PRKG1: variants seen among roughly 807,000 people sequenced by gnomAD.
The protein encoded by PRKG1 is protein kinase cGMP-dependent 1.
A neutral mutation model predicts 88.1 loss-of-function variants in PRKG1; 35 were observed. The ratio of observed to expected loss-of-function variants is 0.40; its 90% CI spans 0.30 to 0.53. The LOEUF (loss-of-function observed/expected upper bound fraction) is 0.53, where lower values mean the gene tolerates loss of function less well. Ranked by LOEUF, PRKG1 falls within the 20% of genes least tolerant of loss-of-function variation. The probability of loss-of-function intolerance (pLI) is 0.59; values close to 1 mark genes in which losing one functional copy is unlikely to be tolerated. For synonymous variants in PRKG1, 303 were observed against 292.5 expected (o/e 1.04, Z -0.37); for missense variants, 540 against 839.8 (o/e 0.64, Z 4.41).
intron 3 of PRKG1, among the ~76,000 whole-genome samples, chr10:51,599,180 G>A (rs1838533726): frequency 6.6e-6 from 1 of 152,144 alleles, no homozygotes; most frequent in African/African-American, 2.4e-5. Flanking sequence ...GGATGATTTG[G>A]ATTTGGTTAC....
At chr10:51,997,057 C>T (rs890597886) in intron 5 of PRKG1, among the ~76,000 whole-genome samples, 8 of 146,064 alleles carry the variant, frequency 5.5e-5, no homozygotes, top group Non-Finnish European at 1.0e-4. Flanking sequence ...GATGTGGAAC[C>T]TAAAAGAGTT....
At chr10:51,039,386 G>A (rs913978697) in intron 1 of PRKG1, among the ~76,000 whole-genome samples, 31 of 152,232 alleles carry the variant, frequency 2.0e-4, no homozygotes, top group Admixed American at 5.2e-4. Context: ...GTCTTCTTTT[G>A]GGAAATGTCT....
At chr10:51,804,871 G>A (rs961872937) in intron 4 of PRKG1, among the ~76,000 whole-genome samples, 181 bp downstream of exon 4, 1 of 152,106 alleles carries the variant, frequency 6.6e-6, no homozygotes, top group South Asian at 2.1e-4. Flanking sequence ...TAAATCTGTA[G>A]AGATGTAAGA....
At position 51,804,595 on chromosome 10, in the gene PRKG1, T is replaced by C. The variant is rs1839256991; in HGVS notation, c.603T>C (p.Asn201=). 6.3e-7 allele frequency: 1 copy of C among 1,588,804 alleles called. No individual in the cohort carries two copies. The highest frequency in any genetic ancestry group is 1.3e-5 in the African/African-American group (1 of 74,256). Residue 201 remains asparagine (N), a synonymous_variant, in exon 4 of 18, where the codon AAT becomes AAC. Transcript: ENST00000373980. The part of the protein sequence containing the change: ...TRTATVKTLV[N]VKLWAIDRQC... ...TTTATTTTTCTCCAGCTCTTGTAAA[T>C]GTAAAACTCTGGGCCATTGATCGAC...
intron 3 of PRKG1, among the ~76,000 whole-genome samples, chr10:51,789,845 G>A (rs568278545): frequency 2.4e-4 from 36 of 151,044 alleles, no homozygotes; most frequent in South Asian, 4.2e-4. Context: ...TTTTTTAGAT[G>A]GAGTCTTGCT....
intron 3 of PRKG1, among the ~76,000 whole-genome samples, chr10:51,668,264 C>T (rs906894683): frequency 6.6e-6 from 1 of 152,128 alleles, no homozygotes; most frequent in Non-Finnish European, 1.5e-5. Flanking sequence ...TTGAAAACCA[C>T]GTATAGTGAT....
intron 1 of PRKG1, among the ~76,000 whole-genome samples, chr10:51,120,526 CAAAGCTGAA>C (rs1297387456): frequency 1.3e-5 from 2 of 152,036 alleles, no homozygotes; most frequent in Non-Finnish European, 2.9e-5. Context: ...TGTTTTTGAA[CAAAGCTGAA>C]AAGTTCAGCT....
chr10:51,648,120 T>A (rs1233756121), intron 3 of PRKG1, among the ~76,000 whole-genome samples: 1 of 152,168 alleles, frequency 6.6e-6, no homozygotes, highest in Non-Finnish European at 1.5e-5. Flanking sequence ...TAATCTTTCA[T>A]GTCTATCATT....
chr10:51,067,150 A>C (rs992123294), intron 1 of PRKG1, among the ~76,000 whole-genome samples: 20 of 151,796 alleles, frequency 1.3e-4, no homozygotes, highest in African/African-American at 4.8e-4. Flanking sequence ...CATTCACATC[A>C]TAGCTAACAC....
intron 3 of PRKG1, among the ~76,000 whole-genome samples, chr10:51,480,551 C>A (rs1840323266): frequency 6.7e-6 from 1 of 148,478 alleles, no homozygotes; most frequent in Admixed American, 6.8e-5. Flanking sequence ...AGATCACTTC[C>A]TTGGCACCTA....
intron 5 of PRKG1, among the ~76,000 whole-genome samples, chr10:51,933,453 A>G (rs1360560822): frequency 6.6e-6 from 1 of 152,020 alleles, no homozygotes; most frequent in Non-Finnish European, 1.5e-5. Context: ...TAATTTCATG[A>G]TTTTGCTTGG....
intron 7 of PRKG1, among the ~76,000 whole-genome samples, chr10:52,108,770 T>C (rs1157008668): frequency 6.6e-6 from 1 of 152,084 alleles, no homozygotes; most frequent in African/African-American, 2.4e-5. Flanking sequence ...GCTATTGCGA[T>C]GATACTAAAG....
chr10:51,501,161 T>C (rs1035571319), intron 3 of PRKG1, among the ~76,000 whole-genome samples: 2 of 152,176 alleles, frequency 1.3e-5, no homozygotes, highest in Non-Finnish European at 2.9e-5. Flanking sequence ...TTTTGCTTAA[T>C]ATGGAATCAT....
chr10:51,434,034 A>C (rs1838850268), intron 2 of PRKG1, among the ~76,000 whole-genome samples: 1 of 152,108 alleles, frequency 6.6e-6, no homozygotes, highest in Admixed American at 6.6e-5. Flanking sequence ...TGTAACTCAA[A>C]GCCTGGTTTT....
At chr10:51,923,519 C>A (rs1397013029) in intron 5 of PRKG1, among the ~76,000 whole-genome samples, 1 of 149,500 alleles carries the variant, frequency 6.7e-6, no homozygotes, top group African/African-American at 2.4e-5. Flanking sequence ...ATTGCTAATA[C>A]TAATTTTAGC....
intron 2 of PRKG1, among the ~76,000 whole-genome samples, chr10:51,294,430 G>T (rs996295803): frequency 6.6e-6 from 1 of 151,994 alleles, no homozygotes; most frequent in East Asian, 1.9e-4. Context: ...TTCTTCTGTG[G>T]TTGGACATAC....
chr10:51,261,824 G>A (rs1839713721), intron 2 of PRKG1, among the ~76,000 whole-genome samples: 1 of 151,824 alleles, frequency 6.6e-6, no homozygotes, highest in Non-Finnish European at 1.5e-5. Context: ...CAGCTACTCA[G>A]CTTCAGCAGA....
chr10:51,143,259 C>T (rs969101846), intron 1 of PRKG1, among the ~76,000 whole-genome samples: 2 of 151,990 alleles, frequency 1.3e-5, no homozygotes, highest in African/African-American at 2.4e-5. Context: ...TGGCTTGTTT[C>T]ACTTAATATA....
At chr10:51,258,971 C>T (rs1839634637) in intron 2 of PRKG1, among the ~76,000 whole-genome samples, 2 of 152,022 alleles carry the variant, frequency 1.3e-5, no homozygotes, top group Admixed American at 6.5e-5. Flanking sequence ...TTGAATATTC[C>T]TTCTTGTTTC....
Sources: allele counts gnomAD v4.1 joint callset (sites outside exome capture counted in the v4.1 genomes callset), GRCh38; gene constraint gnomAD v4.1.1; transcripts MANE v1.5; gene names NCBI Gene and HGNC (gene_info 2026-07-23, HGNC 2026-07-21).